Variants in MAST2 observed in about 807,000 individuals in gnomAD.
MAST2 encodes the protein microtubule-associated serine/threonine-protein kinase 2.
A neutral mutation model predicts 147.4 loss-of-function variants in MAST2; 70 were observed. That is an observed-to-expected ratio of 0.47 (90% CI 0.39 to 0.58). The LOEUF is 0.58. Among genes scored for constraint, MAST2 ranks in the 20% least tolerant of loss-of-function variants. MAST2 has a pLI of 0.00. For missense variants in MAST2, 2,080 were observed against 2,302.3 expected (o/e 0.90, Z 1.98); for synonymous variants, 869 against 896.8 (o/e 0.97, Z 0.55).
At position 46,031,637 on chromosome 1, in the gene MAST2, T is replaced by G. The variant is rs755568860; in HGVS notation, c.3187+52T>G. ...AACTCACAGGAAGGGCCTTGTAATC[T>G]CTAGGCCTTGGGAGGGTTCTGCACG... On this transcript the variant is annotated intron_variant, in intron 24 of 28. Coordinates refer to ENST00000361297, the MANE Select transcript of MAST2 (RefSeq NM_015112.3). This position sits in a 1 kb window ranked among gnomAD's most constrained non-coding sequence, Gnocchi z 4.1. 12 of 1,546,472 alleles carry G rather than the reference T, an allele frequency of 7.8e-6. No homozygotes were observed. Among genetic ancestry groups the G allele is most frequent in the Middle Eastern group, 1.7e-4 (1 of 5,892 alleles).
At position 46,012,358 on chromosome 1, in the gene MAST2, C is replaced by T. The variant is rs145605609; in HGVS notation, c.1188+1419C>T. Reference sequence around the variant, plus strand: ...GCTTGTGTGGTTAGGTTGTTTGATACAATAGGAAGAGCACTGAATTTGGAG... The same window carrying T: ...GCTTGTGTGGTTAGGTTGTTTGATATAATAGGAAGAGCACTGAATTTGGAG... On this transcript the variant is annotated intron_variant, in intron 10 of 28. Coordinates refer to ENST00000361297, the MANE Select transcript of MAST2 (RefSeq NM_015112.3). Among the ~76,000 whole-genome samples the T allele has an allele frequency of 1.2e-4, 19 of 152,256 alleles. No individual in the cohort carries two copies. In the South Asian group the frequency reaches 2.7e-3, roughly 22 times the overall value.
chr1:45,939,908 G>C (rs998071769), intron 4 of MAST2, among the ~76,000 whole-genome samples: 2 of 150,698 alleles, frequency 1.3e-5, no homozygotes, highest in Non-Finnish European at 2.9e-5. Flanking sequence ...TTATACATCA[G>C]TTTGAGGGAG....
Position 46,031,566 on chromosome 1 carries a change from C to G in MAST2, c.3168C>G (p.Leu1056=), listed in dbSNP as rs754412788. ...KVIKSASATA[L]SLLIPSEHHT... ...TCAAGTCCGCCTCAGCCACAGCCCTCTCACTCCTCATTCCTTCGGGTGAGG... is the reference window on the plus strand; with the variant it reads ...TCAAGTCCGCCTCAGCCACAGCCCTGTCACTCCTCATTCCTTCGGGTGAGG... Residue 1056 remains leucine, a synonymous_variant, in exon 24 of 29, where the codon CTC becomes CTG. Transcript: ENST00000361297. The surrounding 1 kb of genome is among the most constrained non-coding windows in gnomAD (Gnocchi z 4.1). 4 of 1,613,394 alleles carry G rather than the reference C, an allele frequency of 2.5e-6. No individual in the cohort carries two copies. In the South Asian group the frequency reaches 4.4e-5, roughly 18 times the overall value.
chr1:46,002,820 C>T lies in MAST2; in HGVS notation c.684C>T (p.Arg228=). The stretch of plus-strand genomic sequence containing the variant: ...TTGCATACAGGACTGATGGGCGGCG[C>T]TGGTCTTTGGCCTCTTTGCCCTCTT... ...FVPARRTDGR[R]WSLASLPSSG... is the part of the protein sequence containing the mutation. Residue 228 remains arginine, a synonymous_variant, in exon 7 of 29, where the codon CGC becomes CGT. Transcript: ENST00000361297. The T allele has an allele frequency of 1.9e-6, 3 of 1,614,182 alleles. No individual in the cohort carries two copies. Among genetic ancestry groups the T allele is most frequent in the Non-Finnish European group, 2.5e-6 (3 of 1,180,008 alleles).
intron 4 of MAST2, among the ~76,000 whole-genome samples, chr1:45,941,923 G>C (rs1022104846): frequency 6.6e-6 from 1 of 152,202 alleles, no homozygotes; most frequent in Non-Finnish European, 1.5e-5. Flanking sequence ...TTCGCTACTA[G>C]AACAGTTTAG....
At chr1:46,021,780 C>G (rs1428240356) in intron 11 of MAST2, among the ~76,000 whole-genome samples, 170 bp from the exon 12 acceptor site, 1 of 152,182 alleles carries the variant, frequency 6.6e-6, no homozygotes, top group Admixed American at 6.5e-5. Flanking sequence ...CATCTTTGTC[C>G]CCATTCCTGT....
intron 4 of MAST2, among the ~76,000 whole-genome samples, chr1:45,894,930 T>A (rs1320560643): frequency 1.3e-5 from 2 of 152,234 alleles, no homozygotes; most frequent in Admixed American, 6.5e-5. Context: ...GATGGTTATA[T>A]CCCACAGAAA....
chr1:45,814,359 C>T (rs1644391026), intron 1 of MAST2, among the ~76,000 whole-genome samples: 1 of 152,164 alleles, frequency 6.6e-6, no homozygotes, highest in Non-Finnish European at 1.5e-5. Flanking sequence ...TCCCATGGAA[C>T]AAGATGTGGA....
chr1:46,007,116 T>C (rs1224799020), intron 8 of MAST2, among the ~76,000 whole-genome samples: 1 of 152,296 alleles, frequency 6.6e-6, no homozygotes, highest in East Asian at 1.9e-4. Context: ...TGCCAGAATT[T>C]TAGGTTAAGG....
chr1:45,812,794 T>C (rs1644343097), intron 1 of MAST2, among the ~76,000 whole-genome samples: 1 of 152,230 alleles, frequency 6.6e-6, no homozygotes, highest in Non-Finnish European at 1.5e-5. Flanking sequence ...AAACTTAACA[T>C]GTCCAAAAAT....
Position 46,035,725 on chromosome 1 carries a change from T to C in MAST2, c.5056T>C (p.Leu1686=), listed in dbSNP as rs1254985448. 6.2e-7 allele frequency: 1 copy of C among 1,613,826 alleles called. No homozygotes were observed. The highest frequency in any genetic ancestry group is 2.2e-5 in the East Asian group (1 of 44,834). Residue 1686 remains leucine (L), a synonymous_variant, in exon 29 of 29, where the codon TTG becomes CTG. Coordinates refer to ENST00000361297, the MANE Select transcript of MAST2 (RefSeq NM_015112.3). The surrounding 1 kb of genome is among the most constrained non-coding windows in gnomAD (Gnocchi z 5.5). ...AGGTGGGCTAGCCAACCTCCAGGAT[T>C]TGGAAAACACAACTCCAGCCCAGCC... is the stretch of plus-strand genomic sequence containing the variant. ...MAGGLANLQD[L]ENTTPAQPKN...
chr1:45,935,509 GGTT>G (rs1656060003), intron 4 of MAST2, among the ~76,000 whole-genome samples: 1 of 152,094 alleles, frequency 6.6e-6, no homozygotes, highest in Non-Finnish European at 1.5e-5. Context: ...TTTCTACTAG[GGTT>G]GTTATAGTTT....
intron 4 of MAST2, among the ~76,000 whole-genome samples, chr1:45,905,335 C>T (rs1650510754): frequency 6.6e-6 from 1 of 152,018 alleles, no homozygotes; most frequent in Admixed American, 6.6e-5. Flanking sequence ...CAGGCATGCG[C>T]CACCGCATCT....
intron 4 of MAST2, among the ~76,000 whole-genome samples, chr1:45,889,553 T>G (rs1234477345): frequency 6.6e-6 from 1 of 152,174 alleles, no homozygotes; most frequent in East Asian, 1.9e-4. Flanking sequence ...TGCTATATTT[T>G]TCTCCATGTT....
intron 4 of MAST2, among the ~76,000 whole-genome samples, chr1:45,937,487 C>T (rs541974767): frequency 8.6e-5 from 13 of 152,018 alleles, no homozygotes; most frequent in African/African-American, 2.9e-4. Flanking sequence ...CGGTGGCTTA[C>T]GCCTGTAATC....
intron 3 of MAST2, 46 bp from the exon 4 acceptor site, chr1:45,882,318 C>G (rs1363464222): frequency 1.4e-6 from 2 of 1,450,060 alleles, no homozygotes; most frequent in African/African-American, 2.8e-5. Context: ...ACCAACAGGA[C>G]TCAGATGGGT....
chr1:45,969,769 T>C (rs1004126071), intron 5 of MAST2, among the ~76,000 whole-genome samples: 7 of 152,046 alleles, frequency 4.6e-5, no homozygotes, highest in Non-Finnish European at 1.0e-4. Context: ...AAGTACACAA[T>C]AAATGTAATG....
intron 3 of MAST2, chr1:45,847,615 G>A (rs899247941): frequency 2.7e-5 from 19 of 692,156 alleles, no homozygotes; most frequent in East Asian, 1.6e-4. Flanking sequence ...GTATAGTGAC[G>A]TCCTCGCGGC....
chr1:45,965,621 C>T (rs188070007), intron 5 of MAST2, among the ~76,000 whole-genome samples: 2 of 152,070 alleles, frequency 1.3e-5, no homozygotes, highest in East Asian at 3.9e-4. Flanking sequence ...TGTGTGTATT[C>T]AGTATTAAAT....
Sources: gnomAD v4.1 joint callset for allele counts (sites outside exome capture counted in the v4.1 genomes callset) on GRCh38, gnomAD v4.1.1 for gene constraint, Gnocchi (gnomAD v3.1) non-coding constraint, MANE v1.5 for transcripts, NCBI Gene and HGNC (gene_info 2026-07-23, HGNC 2026-07-21) for gene names.